The following TRAPPC3L variants were observed in gnomAD, a reference collection of about 807,000 sequenced individuals.
TRAPPC3L encodes trafficking protein particle complex subunit 3L.
A neutral mutation model predicts 23.7 loss-of-function variants in TRAPPC3L; 23 were observed. The ratio of observed to expected loss-of-function variants is 0.97; its 90% confidence interval spans 0.70 to 1.37. The LOEUF (loss-of-function observed/expected upper bound fraction) is 1.37, where lower values mean the gene tolerates loss of function less well. Among genes scored for constraint, TRAPPC3L ranks in the 40% most tolerant of loss-of-function variants. The pLI is 0.00. For synonymous variants in TRAPPC3L, 81 were observed against 77.9 expected (o/e 1.04, Z -0.21); for missense variants, 212 against 216.8 (o/e 0.98, Z 0.14).
At chr6:116,528,941 T>A (rs1380040026) in intron 3 of TRAPPC3L, 1 of 152,240 alleles carries the variant, frequency 6.6e-6, no homozygotes, top group Admixed American at 6.5e-5. Context: ...AAGTTTCCTT[T>A]GTTGTTGTAG....
intron 3 of TRAPPC3L, among the ~76,000 whole-genome samples, chr6:116,504,805 C>A (rs1771975501): frequency 6.6e-6 from 1 of 152,134 alleles, no homozygotes; most frequent in South Asian, 2.1e-4. Flanking sequence ...AGGCCTTCAA[C>A]AAAATTCAAC....
At chr6:116,505,913 T>G (rs1043381942) in intron 3 of TRAPPC3L, among the ~76,000 whole-genome samples, 1 of 151,902 alleles carries the variant, frequency 6.6e-6, no homozygotes, top group Non-Finnish European at 1.5e-5. Flanking sequence ...ACCATGAAAA[T>G]CCTAGAAGAA....
intron 3 of TRAPPC3L, among the ~76,000 whole-genome samples, chr6:116,506,411 TG>T (rs1772008446): frequency 6.6e-6 from 1 of 152,216 alleles, no homozygotes; most frequent in Non-Finnish European, 1.5e-5. Context: ...TTTACACTGT[TG>T]GTGGGAGTGT....
At chr6:116,530,436 C>T (rs960984052) in intron 3 of TRAPPC3L, among the ~76,000 whole-genome samples, 1 of 152,002 alleles carries the variant, frequency 6.6e-6, no homozygotes, top group Non-Finnish European at 1.5e-5. Flanking sequence ...AAGAAAAAGC[C>T]CCACAGGATT....
chr6:116,503,101 C>A (rs1220157457), intron 3 of TRAPPC3L, among the ~76,000 whole-genome samples: 1 of 151,938 alleles, frequency 6.6e-6, no homozygotes, highest in Non-Finnish European at 1.5e-5. Context: ...GAGTCAAGAC[C>A]CATCAGTGTG....
chr6:116,536,344 A>G (rs893475739), intron 3 of TRAPPC3L, among the ~76,000 whole-genome samples: 4 of 152,182 alleles, frequency 2.6e-5, no homozygotes, highest in East Asian at 1.9e-4. Flanking sequence ...ACTTAAGTCT[A>G]CTACTTGTTA....
intron 3 of TRAPPC3L, among the ~76,000 whole-genome samples, chr6:116,539,276 A>G (rs1272449143): frequency 2.0e-5 from 3 of 152,200 alleles, no homozygotes; most frequent in Non-Finnish European, 2.9e-5. Flanking sequence ...CTGACAATAT[A>G]AAAAGGGACT....
At chr6:116,497,151 CT>C (rs1449994218) in intron 4 of TRAPPC3L, 78 bp from the exon 5 acceptor site, 31 of 1,461,736 alleles carry the variant, frequency 2.1e-5, no homozygotes, top group Non-Finnish European at 9.1e-7. Flanking sequence ...CTTTTTTCAG[CT>C]TTCTTTACTT....
intron 3 of TRAPPC3L, among the ~76,000 whole-genome samples, chr6:116,502,009 T>A (rs1264966876): frequency 6.6e-6 from 1 of 152,110 alleles, no homozygotes; most frequent in Non-Finnish European, 1.5e-5. Context: ...GGAACAAAAC[T>A]GGATAGAGAA....
At chr6:116,542,729 T>A (rs1175683198) in intron 2 of TRAPPC3L, among the ~76,000 whole-genome samples, 1 of 152,088 alleles carries the variant, frequency 6.6e-6, no homozygotes, top group Non-Finnish European at 1.5e-5. Flanking sequence ...GAAGTGAGTT[T>A]TTCTACCTAA....
At chr6:116,544,151 AAGAGAGAGAG>A (rs141606346) in intron 1 of TRAPPC3L, among the ~76,000 whole-genome samples, 6 of 132,916 alleles carry the variant, frequency 4.5e-5, no homozygotes, top group Non-Finnish European at 9.8e-5. Context: ...AAAGGTGAAG[AAGAGAGAGAG>A]AGAGAGAGAG....
chr6:116,521,991 G>GC (rs1192454388), intron 3 of TRAPPC3L: 5 of 151,964 alleles, frequency 3.3e-5, no homozygotes, highest in African/African-American at 1.2e-4. Flanking sequence ...CTCTGAAGAG[G>GC]CCCAAGCTAG....
Position 116,500,738 on chromosome 6 carries a change from C to T in TRAPPC3L, c.241-72G>A, listed in dbSNP as rs560786513. 5.7e-5 allele frequency: 77 copies of T among 1,345,844 alleles called. No homozygotes were observed. The African/African-American group carries it at 1.0e-3, about 18-fold the overall frequency. 83.4% of individuals were successfully genotyped at this position (1,345,844 alleles called of 1,614,324 possible). On this transcript the variant is annotated intron_variant, in intron 3 of 4. Coordinates refer to ENST00000368602, the MANE Select transcript of TRAPPC3L (RefSeq NM_001139444.3). Reference sequence around the variant, plus strand: ...AACTATGAGCAGACTAAACAAATACCCAGTTCTAGGCATTGCAGCACAATG... The same window carrying T: ...AACTATGAGCAGACTAAACAAATACTCAGTTCTAGGCATTGCAGCACAATG...
intron 4 of TRAPPC3L, among the ~76,000 whole-genome samples, chr6:116,499,576 C>T (rs1191619845): frequency 2.0e-5 from 3 of 152,186 alleles, no homozygotes; most frequent in Non-Finnish European, 2.9e-5. Flanking sequence ...TCATGACAAT[C>T]TGTCTCCCAA....
chr6:116,502,723 A>G (rs1399432117), intron 3 of TRAPPC3L, among the ~76,000 whole-genome samples: 1 of 152,250 alleles, frequency 6.6e-6, no homozygotes, highest in African/African-American at 2.4e-5. Flanking sequence ...CCAATATTCA[A>G]CATTCCTAAA....
At chr6:116,521,999 TAGCCAG>T (rs1772352517) in intron 3 of TRAPPC3L, 1 of 151,668 alleles carries the variant, frequency 6.6e-6, no homozygotes, top group African/African-American at 2.4e-5. Flanking sequence ...AGGCCCAAGC[TAGCCAG>T]TGGGAGGAGA....
At chr6:116,535,100 G>A (rs1463050312) in intron 3 of TRAPPC3L, among the ~76,000 whole-genome samples, 1 of 152,212 alleles carries the variant, frequency 6.6e-6, no homozygotes, top group Non-Finnish European at 1.5e-5. Flanking sequence ...GGTATGGATG[G>A]ATGCTCTGCA....
chr6:116,534,576 C>T (rs1772955797), intron 3 of TRAPPC3L, among the ~76,000 whole-genome samples: 1 of 152,128 alleles, frequency 6.6e-6, no homozygotes, highest in African/African-American at 2.4e-5. Context: ...AAAAATTCCC[C>T]CTGCTATTCT....
At chr6:116,519,391 A>G (rs1320340728) in intron 3 of TRAPPC3L, 2 of 152,210 alleles carry the variant, frequency 1.3e-5, no homozygotes, top group Non-Finnish European at 2.9e-5. Context: ...TGGGGCTTCC[A>G]TTGCAGCCAA....
Sources: gnomAD v4.1 joint callset for allele counts (sites outside exome capture counted in the v4.1 genomes callset) on GRCh38, gnomAD v4.1.1 for gene constraint, MANE v1.5 for transcripts, NCBI Gene and HGNC (gene_info 2026-07-23, HGNC 2026-07-21) for gene names.